Variants in ZNRF1 observed in about 807,000 individuals in gnomAD.
The protein encoded by ZNRF1 is E3 ubiquitin-protein ligase ZNRF1.
In ZNRF1, 3 loss-of-function variants were observed where a neutral mutation model predicts 18.4. That is an observed-to-expected ratio of 0.16 (90% CI 0.07 to 0.42). The LOEUF (loss-of-function observed/expected upper bound fraction) is 0.42. ZNRF1 is among the 10% of genes least tolerant of loss of function. The pLI is 0.99. For missense variants in ZNRF1, 310 were observed against 329.8 expected (o/e 0.94, Z 0.47); for synonymous variants, 157 against 144.2 (o/e 1.09, Z -0.64).
intron 1 of ZNRF1, among the ~76,000 whole-genome samples, chr16:75,055,273 T>G (rs1167909024): frequency 6.6e-6 from 1 of 152,236 alleles, no homozygotes; most frequent in African/African-American, 2.4e-5. Flanking sequence ...AACTTATTTA[T>G]TTTTATTTAT....
intron 2 of ZNRF1, among the ~76,000 whole-genome samples, chr16:75,099,958 T>G (rs952519733): frequency 6.6e-6 from 1 of 152,202 alleles, no homozygotes; most frequent in Admixed American, 6.5e-5. Flanking sequence ...GAAGTTGTAC[T>G]CAGCCCACTG....
chr16:75,082,473 C>T (rs1017602518), intron 1 of ZNRF1, among the ~76,000 whole-genome samples: 2 of 152,224 alleles, frequency 1.3e-5, no homozygotes, highest in African/African-American at 4.8e-5. Flanking sequence ...CGCTCACCTC[C>T]ATGCACACAG....
At chr16:75,029,341 G>T (rs554816969) in intron 1 of ZNRF1, among the ~76,000 whole-genome samples, 4 of 151,928 alleles carry the variant, frequency 2.6e-5, no homozygotes, top group African/African-American at 9.6e-5. Context: ...GTAGAGACGG[G>T]GTTCTACCAT....
At chr16:75,071,876 A>G (rs530730311) in intron 1 of ZNRF1, among the ~76,000 whole-genome samples, 2 of 151,022 alleles carry the variant, frequency 1.3e-5, no homozygotes, top group Non-Finnish European at 3.0e-5. Context: ...TCGACCTGCA[A>G]CTCTTTCCTT....
chr16:75,067,987 A>G (rs561637322), intron 1 of ZNRF1, among the ~76,000 whole-genome samples: 3 of 152,266 alleles, frequency 2.0e-5, no homozygotes, highest in South Asian at 2.1e-4. Flanking sequence ...CTTAATGTGA[A>G]TATCCTATAA....
chr16:75,059,372 C>T (rs1273373824), intron 1 of ZNRF1, among the ~76,000 whole-genome samples: 1 of 151,406 alleles, frequency 6.6e-6, no homozygotes, highest in Non-Finnish European at 1.5e-5. Context: ...CTCAGCCTCC[C>T]AAGTAGCTGG....
chr16:75,061,410 A>G (rs1773318936), intron 1 of ZNRF1, among the ~76,000 whole-genome samples: 1 of 151,932 alleles, frequency 6.6e-6, no homozygotes, highest in Non-Finnish European at 1.5e-5. Context: ...TATGATGTTT[A>G]TCTTTCTTTT....
chr16:75,016,962 G>A (rs9925180), intron 1 of ZNRF1, among the ~76,000 whole-genome samples: 69,495 of 152,028 alleles, frequency 0.46, 16,515 homozygotes, highest in East Asian at 0.63. Context: ...AATAAACACA[G>A]TGAAGTACAG....
chr16:75,107,559 G>C (rs2036332756), intron 4 of ZNRF1, 174 bp from the exon 5 acceptor site: 1 of 365,434 alleles, frequency 2.7e-6, no homozygotes, highest in Non-Finnish European at 5.5e-6. Context: ...GAGTGAGGCA[G>C]GGGAGTAGAA....
intron 1 of ZNRF1, among the ~76,000 whole-genome samples, chr16:75,016,112 G>A (rs1443170530): frequency 6.7e-6 from 1 of 148,948 alleles, no homozygotes; most frequent in African/African-American, 2.5e-5. Context: ...AGTAGAGACG[G>A]GGTTTCACCG....
intron 1 of ZNRF1, among the ~76,000 whole-genome samples, chr16:75,013,204 G>A (rs1392205090): frequency 6.6e-6 from 1 of 152,108 alleles, no homozygotes; most frequent in East Asian, 1.9e-4. Context: ...TTTGCCTAAG[G>A]AGTTCAGAAC....
intron 1 of ZNRF1, among the ~76,000 whole-genome samples, chr16:75,052,266 T>C (rs1388278663): frequency 1.3e-5 from 2 of 152,024 alleles, no homozygotes; most frequent in African/African-American, 4.8e-5. Flanking sequence ...CTGGGTGTGG[T>C]GGCGTGCACC....
intron 1 of ZNRF1, among the ~76,000 whole-genome samples, chr16:75,060,632 C>G (rs888592093): frequency 6.6e-6 from 1 of 151,724 alleles, no homozygotes; most frequent in Non-Finnish European, 1.5e-5. Context: ...ACACACCACC[C>G]TGCCTTGCTA....
intron 1 of ZNRF1, among the ~76,000 whole-genome samples, chr16:75,058,278 TGCGGGA>T (rs1275767830): frequency 6.6e-6 from 1 of 152,144 alleles, no homozygotes; most frequent in African/African-American, 2.4e-5. Flanking sequence ...TTGCTTTCTG[TGCGGGA>T]GCGTTTAGAT....
At chr16:75,027,132 A>C (rs2035235289) in intron 1 of ZNRF1, among the ~76,000 whole-genome samples, 1 of 150,948 alleles carries the variant, frequency 6.6e-6, no homozygotes, top group Non-Finnish European at 1.5e-5. Flanking sequence ...CTAGCCATGT[A>C]TAGTGGCTCC....
chr16:75,092,946 C>T (rs1444287715), intron 1 of ZNRF1, among the ~76,000 whole-genome samples: 1 of 152,154 alleles, frequency 6.6e-6, no homozygotes, highest in Non-Finnish European at 1.5e-5. Context: ...CCTCCCTACC[C>T]CATTGTCCAC....
intron 1 of ZNRF1, among the ~76,000 whole-genome samples, chr16:75,026,145 T>A (rs2035220673): frequency 6.6e-6 from 1 of 152,200 alleles, no homozygotes; most frequent in South Asian, 2.1e-4. Context: ...ATCTGCAGAA[T>A]AATCAAATGA....
chr16:75,057,330 T>C (rs546669370), intron 1 of ZNRF1, among the ~76,000 whole-genome samples: 10 of 152,360 alleles, frequency 6.6e-5, no homozygotes, highest in Admixed American at 3.3e-4. Flanking sequence ...TCTTCTTTGC[T>C]CTGCTAGAGT....
chr16:75,010,802 C>T (rs1286166138), intron 1 of ZNRF1, among the ~76,000 whole-genome samples: 1 of 148,958 alleles, frequency 6.7e-6, no homozygotes, highest in Non-Finnish European at 1.5e-5. Flanking sequence ...CCTCTGCCTC[C>T]TGGGCTCAAG....
Sources: allele counts gnomAD v4.1 joint callset (sites outside exome capture counted in the v4.1 genomes callset), GRCh38; gene constraint gnomAD v4.1.1; transcripts MANE v1.5; gene names NCBI Gene and HGNC (gene_info 2026-07-23, HGNC 2026-07-21).